Variants in SEZ6L observed in about 807,000 individuals in gnomAD.
SEZ6L encodes seizure 6-like protein.
SEZ6L carries 37 observed loss-of-function variants against 106.2 expected under a neutral mutation model. The ratio of observed to expected loss-of-function variants is 0.35; its 90% CI spans 0.27 to 0.46. SEZ6L has a LOEUF of 0.46. SEZ6L is among the 20% of genes least tolerant of loss of function. SEZ6L has a pLI of 1.00. For missense variants in SEZ6L, 1,172 were observed against 1,332.8 expected (o/e 0.88, Z 1.88); for synonymous variants, 541 against 570.4 (o/e 0.95, Z 0.73).
In SEZ6L at chr22:26,271,035, A is replaced by C. The variant is rs142718753; in HGVS notation, c.95-21371A>C. On this transcript the variant is annotated intron_variant, in intron 1 of 16. Transcript: ENST00000248933. ...TGAAGCGTGGCCAGTCGACCCTCAGAAGATGACAATTTGTCTTAGAATAAT... is the reference window on the plus strand; with the variant it reads ...TGAAGCGTGGCCAGTCGACCCTCAGCAGATGACAATTTGTCTTAGAATAAT... Among the ~76,000 whole-genome samples, 5 of 152,346 alleles carry C rather than the reference A, an allele frequency of 3.3e-5. No homozygotes were observed. In the East Asian group the frequency reaches 9.6e-4, roughly 29 times the overall value.
In SEZ6L at chr22:26,201,382, CAAAAAAAAAAA is replaced by C. The variant is rs71192905; in HGVS notation, c.94+31631_94+31641del. On this transcript the variant is annotated intron_variant, in intron 1 of 16. Coordinates refer to ENST00000248933, the MANE Select transcript of SEZ6L (RefSeq NM_021115.5). ...CTAAAAATACAAAAATACAAAAATACAAAAAAAAAAAAAAAAAAAAAAGAGGAAATTTGCCG... is the reference window on the plus strand; with the variant it reads ...CTAAAAATACAAAAATACAAAAATACAAAAAAAAAAAGAGGAAATTTGCCG... Among the ~76,000 whole-genome samples the C allele has an allele frequency of 1.1e-4, 8 of 75,312 alleles. No individual in the cohort carries two copies. The South Asian group carries it at 3.5e-3, about 33-fold the overall frequency. The allele number at this position is 75,312 out of a possible 152,430, so 49.4% of individuals were successfully genotyped here.
intron 1 of SEZ6L, among the ~76,000 whole-genome samples, chr22:26,226,848 T>A (rs947057637): frequency 6.6e-6 from 1 of 152,166 alleles, no homozygotes; most frequent in Admixed American, 6.5e-5. Flanking sequence ...TTTTGCCCCA[T>A]CCCTTTGTTC....
chr22:26,180,294 G>C (rs1939305690), intron 1 of SEZ6L, among the ~76,000 whole-genome samples: 2 of 152,170 alleles, frequency 1.3e-5, no homozygotes, highest in African/African-American at 4.8e-5. Context: ...TATTCATCAA[G>C]ATGTGGCCTG....
intron 1 of SEZ6L, among the ~76,000 whole-genome samples, chr22:26,267,739 T>G (rs2080235830): frequency 6.6e-6 from 1 of 152,242 alleles, no homozygotes; most frequent in African/African-American, 2.4e-5. Context: ...ATAGTGAATT[T>G]GGGCATTGCT....
Position 26,292,860 on chromosome 22 carries a change from C to T in SEZ6L, c.549C>T (p.Pro183=). 1 of 1,614,176 alleles carries T rather than the reference C, an allele frequency of 6.2e-7. No individual in the cohort carries two copies. The highest frequency in any genetic ancestry group is 8.5e-7 in the Non-Finnish European group (1 of 1,180,006). Residue 183 remains proline, a synonymous_variant, in exon 2 of 17, where the codon CCC becomes CCT. Transcript: ENST00000248933. The stretch of plus-strand genomic sequence containing the variant: ...CCTCCGAGGAGGCATCAGAAGTGCC[C>T]CTTTGGCTGGACCGAAAGGAGAGTG... The part of the protein sequence containing the change: ...IVASEEASEV[P]LWLDRKESAV...
chr22:26,258,515 A>G (rs1468304936), intron 1 of SEZ6L, among the ~76,000 whole-genome samples: 1 of 152,236 alleles, frequency 6.6e-6, no homozygotes, highest in Non-Finnish European at 1.5e-5. Flanking sequence ...ACATTTGATG[A>G]TAATTAAAAT....
At chr22:26,350,211 CATATAT>C (rs34286571) in intron 11 of SEZ6L, among the ~76,000 whole-genome samples, 4 of 145,684 alleles carry the variant, frequency 2.7e-5, no homozygotes, top group East Asian at 2.0e-4. Context: ...TATATATACA[CATATAT>C]ATATATATAT....
intron 1 of SEZ6L, among the ~76,000 whole-genome samples, chr22:26,188,618 C>T (rs1051698990): frequency 6.6e-6 from 1 of 152,164 alleles, no homozygotes. Flanking sequence ...ATGTACTGAG[C>T]GGGTACTATG....
chr22:26,348,573 A>AGGGAG (rs1491583382), intron 11 of SEZ6L, among the ~76,000 whole-genome samples: 4 of 95,026 alleles, frequency 4.2e-5, no homozygotes, highest in Non-Finnish European at 7.4e-5. Flanking sequence ...GAGGAAAGAA[A>AGGGAG]GAAAGAAAGA....
intron 1 of SEZ6L, among the ~76,000 whole-genome samples, chr22:26,290,339 G>A (rs923785784): frequency 1.3e-5 from 2 of 152,128 alleles, no homozygotes; most frequent in Admixed American, 6.5e-5. Flanking sequence ...AGACCATCCT[G>A]GCTAACATGG....
rs199961565 is a variant in SEZ6L, at chr22:26,311,769, G to T, written c.1683G>T (p.Ala561=). The T allele has an allele frequency of 5.3e-5, 85 of 1,613,388 alleles. 1 individual carries two copies. The Admixed American group carries it at 1.3e-3, about 24-fold the overall frequency. The change falls in exon 8 of 17, where the codon GCG becomes GCT. Residue 561 remains alanine (A), a splice_region_variant and synonymous_variant. Transcript: ENST00000248933. The part of the protein sequence containing the change: ...AASTFNIRFE[A]FEKGHCYEPY... The stretch of plus-strand genomic sequence containing the variant: ...GCTGCCTCTCTTTCCCTTCCTCAGC[G>T]TTTGAGAAAGGCCACTGCTATGAGC...
intron 1 of SEZ6L, among the ~76,000 whole-genome samples, chr22:26,182,034 C>T (rs909982783): frequency 5.3e-5 from 8 of 152,180 alleles, no homozygotes; most frequent in African/African-American, 1.9e-4. Flanking sequence ...CCTTTCTCCC[C>T]TCTAGACTGA....
At chr22:26,353,612 C>G (rs2083344842) in intron 12 of SEZ6L, among the ~76,000 whole-genome samples, 2 of 152,172 alleles carry the variant, frequency 1.3e-5, no homozygotes, top group South Asian at 4.1e-4. Context: ...GAATCTATCC[C>G]CAAAAGATAT....
Position 26,297,030 on chromosome 22 carries a change from TC to T in SEZ6L, c.1114del (p.Arg372GlyfsTer20). On this transcript the variant is annotated frameshift_variant, in exon 4 of 17. Transcript: ENST00000248933. LOFTEE classifies it high-confidence loss of function. ...RSPTNTISVY[F>X]RTFQDDGLGT... ...CCCACCAACACCATCTCCGTCTACT[TC>T]CGGACCTTCCAGGACGACGGCCTTG... 6.2e-7 allele frequency: 1 copy of T among 1,614,040 alleles called. No individual in the cohort carries two copies. The highest frequency in any genetic ancestry group is 8.5e-7 in the Non-Finnish European group (1 of 1,179,970).
At chr22:26,377,592 G>A (rs1222535435) in intron 15 of SEZ6L, 81 bp from the exon 16 acceptor site, 1 of 1,142,422 alleles carries the variant, frequency 8.8e-7, no homozygotes, top group African/African-American at 1.5e-5. Context: ...CTCAGGAAGT[G>A]GCACCAACTG....
chr22:26,337,741 G>A (rs1274101908), intron 9 of SEZ6L, among the ~76,000 whole-genome samples: 1 of 152,198 alleles, frequency 6.6e-6, no homozygotes, highest in Non-Finnish European at 1.5e-5. Context: ...TTGAAGACAT[G>A]TGTGCAAAGC....
chr22:26,342,016 G>T (rs1053372305), intron 10 of SEZ6L, among the ~76,000 whole-genome samples: 4 of 152,146 alleles, frequency 2.6e-5, no homozygotes, highest in African/African-American at 7.2e-5. Flanking sequence ...AAGGATGAAG[G>T]GTTGCTCATC....
intron 15 of SEZ6L, 115 bp downstream of exon 15, chr22:26,375,804 G>A (rs1244429612): frequency 1.4e-6 from 1 of 691,908 alleles, no homozygotes; most frequent in African/African-American, 1.8e-5. Context: ...GGGCATAGTG[G>A]CATTTGTGTT....
intron 4 of SEZ6L, among the ~76,000 whole-genome samples, chr22:26,297,685 CTT>C (rs1388018470): frequency 1.3e-5 from 2 of 152,038 alleles, no homozygotes; most frequent in East Asian, 3.9e-4. Context: ...CTGTTCCTGT[CTT>C]CTCTGTTTTG....
Sources: allele counts gnomAD v4.1 joint callset (sites outside exome capture counted in the v4.1 genomes callset), GRCh38; gene constraint gnomAD v4.1.1; transcripts MANE v1.5; gene names NCBI Gene and HGNC (gene_info 2026-07-23, HGNC 2026-07-21).